Variants in ESR1 observed in about 807,000 individuals in gnomAD.
ESR1 encodes the protein estrogen receptor.
ESR1 carries 12 observed loss-of-function variants against 52.7 expected under a neutral mutation model. The observed-to-expected ratio is 0.23, with a 90% CI of 0.15 to 0.37. ESR1 has a LOEUF of 0.37. Among genes scored for constraint, ESR1 ranks in the 10% least tolerant of loss-of-function variants. ESR1 has a pLI of 1.00. For synonymous variants in ESR1, 305 were observed against 316.8 expected, an observed-to-expected ratio of 0.96 and a Z score of 0.39; for missense variants, 584 against 779.7, an observed-to-expected ratio of 0.75 and a Z score of 2.99.
chr6:152,109,772 G>A (rs539825396), intron 6 of ESR1, among the ~76,000 whole-genome samples: 176 of 152,264 alleles, frequency 1.2e-3, no homozygotes, highest in Non-Finnish European at 2.0e-3. Flanking sequence ...AAAGATGTTC[G>A]TTCAAGACAG....
chr6:151,754,221 A>T (rs2128083626), intron 2 of ESR1, among the ~76,000 whole-genome samples: 1 of 152,312 alleles, frequency 6.6e-6, no homozygotes, highest in African/African-American at 2.4e-5. Context: ...AATTTCCTGA[A>T]GTTTAGAAAA....
At chr6:152,077,103 A>T (rs928874053) in intron 6 of ESR1, among the ~76,000 whole-genome samples, 1 of 152,124 alleles carries the variant, frequency 6.6e-6, no homozygotes, top group African/African-American at 2.4e-5. Flanking sequence ...CTAGGAGGAA[A>T]AAAACAGTTT....
chr6:151,799,831 T>C (rs1777060599), upstream of ESR1, among the ~76,000 whole-genome samples: 1 of 152,158 alleles, frequency 6.6e-6, no homozygotes, highest in Non-Finnish European at 1.5e-5. Flanking sequence ...GGGAGGAAGA[T>C]TTCAGGTAGG....
chr6:151,961,870 A>T lies in ESR1; in HGVS notation c.1096+17362A>T, dbSNP rs540401347. Among the ~76,000 whole-genome samples, 8 of 152,272 alleles carry T rather than the reference A, an allele frequency of 5.3e-5. No homozygotes were observed. The East Asian group carries it at 1.4e-3, about 26-fold the overall frequency. ...CACCCGGTGTTGGGTTGTGAGGTGT[A>T]GTTGTGGGCTCTTCTTCAGTCGGAT... On this transcript the variant is annotated intron_variant, in intron 4 of 7. Coordinates refer to ENST00000206249, the MANE Select transcript of ESR1 (RefSeq NM_000125.4).
chr6:152,060,343 C>T (rs1373572913), intron 5 of ESR1, among the ~76,000 whole-genome samples: 1 of 152,164 alleles, frequency 6.6e-6, no homozygotes, highest in African/African-American at 2.4e-5. Context: ...TTCTTTCATG[C>T]TGCTCCTCCT....
chr6:151,668,750 C>A (rs796331930), intron 1 of ESR1, among the ~76,000 whole-genome samples: 3 of 152,246 alleles, frequency 2.0e-5, no homozygotes, highest in African/African-American at 7.2e-5. Context: ...ATAAGCCAGA[C>A]ACTTGGGTTT....
intron 2 of ESR1, among the ~76,000 whole-genome samples, chr6:151,761,566 C>T (rs1784661688): frequency 6.6e-6 from 1 of 152,170 alleles, no homozygotes; most frequent in Admixed American, 6.5e-5. Flanking sequence ...TTGGTTTCCT[C>T]ATCTGTAAAA....
intron 5 of ESR1, among the ~76,000 whole-genome samples, chr6:152,020,780 A>T (rs1258371415): frequency 6.6e-6 from 1 of 152,088 alleles, no homozygotes; most frequent in Non-Finnish European, 1.5e-5. Context: ...GAATGGATAG[A>T]GGTTTGGCTT....
chr6:152,022,329 A>G (rs931640939), intron 5 of ESR1, among the ~76,000 whole-genome samples: 1 of 152,164 alleles, frequency 6.6e-6, no homozygotes, highest in Admixed American at 6.5e-5. Flanking sequence ...GACAGGAGAG[A>G]GGTAGATGTT....
chr6:151,710,180 A>G (rs1045898410), intron 2 of ESR1, among the ~76,000 whole-genome samples: 1 of 151,730 alleles, frequency 6.6e-6, no homozygotes, highest in Non-Finnish European at 1.5e-5. Context: ...TATTGCTTTG[A>G]TTATAATAGC....
At chr6:152,063,428 T>G (rs1435533812) in intron 6 of ESR1, among the ~76,000 whole-genome samples, 1 of 152,150 alleles carries the variant, frequency 6.6e-6, no homozygotes, top group Non-Finnish European at 1.5e-5. Context: ...ACCACTCTTT[T>G]CCCTACAAAA....
chr6:151,898,006 G>T (rs1157066041), intron 3 of ESR1, among the ~76,000 whole-genome samples: 1 of 152,194 alleles, frequency 6.6e-6, no homozygotes, highest in Non-Finnish European at 1.5e-5. Context: ...TTTCTTTAAA[G>T]AAGCTGAAGA....
chr6:151,776,993 A>G (rs1301824256), intron 2 of ESR1, among the ~76,000 whole-genome samples: 1 of 152,052 alleles, frequency 6.6e-6, no homozygotes, highest in African/African-American at 2.4e-5. Context: ...AAAAGGTACA[A>G]ATGGTATTTG....
chr6:151,980,019 A>G (rs1321955441), intron 4 of ESR1, among the ~76,000 whole-genome samples: 2 of 152,322 alleles, frequency 1.3e-5, no homozygotes, highest in South Asian at 2.1e-4. Flanking sequence ...TTTTTTTTAA[A>G]TGACAAGACA....
intron 4 of ESR1, among the ~76,000 whole-genome samples, chr6:151,970,888 T>A (rs2038840523): frequency 6.6e-6 from 1 of 152,226 alleles, no homozygotes; most frequent in Non-Finnish European, 1.5e-5. Context: ...TTAGATGCTA[T>A]TATGTCTATG....
intron 1 of ESR1, among the ~76,000 whole-genome samples, chr6:151,828,485 C>T (rs1583511825): frequency 6.6e-6 from 1 of 152,166 alleles, no homozygotes; most frequent in African/African-American, 2.4e-5. Flanking sequence ...AGGAAAAAAA[C>T]ATGAGCCAAG....
chr6:151,926,607 A>C (rs1255123583), intron 3 of ESR1, among the ~76,000 whole-genome samples: 1 of 152,102 alleles, frequency 6.6e-6, no homozygotes, highest in Admixed American at 6.6e-5. Context: ...TGAATGTACT[A>C]TTATAAATGG....
intron 2 of ESR1, among the ~76,000 whole-genome samples, chr6:151,713,165 G>A (rs543456560): frequency 6.6e-6 from 1 of 152,148 alleles, no homozygotes; most frequent in Non-Finnish European, 1.5e-5. Context: ...TGTTGAACCA[G>A]CCTTGCATCC....
intron 4 of ESR1, among the ~76,000 whole-genome samples, chr6:151,962,947 A>G (rs1010441658): frequency 3.3e-5 from 5 of 152,294 alleles, no homozygotes; most frequent in Admixed American, 6.5e-5. Context: ...TAATATAAGC[A>G]TATAGTTTTG....
Sources: allele counts gnomAD v4.1 joint callset (sites outside exome capture counted in the v4.1 genomes callset), GRCh38; gene constraint gnomAD v4.1.1; transcripts MANE v1.5; gene names NCBI Gene and HGNC (gene_info 2026-07-23, HGNC 2026-07-21).